MRPS16: variants seen among roughly 807,000 people sequenced by gnomAD.
MRPS16 encodes mitochondrial ribosomal protein S16.
In MRPS16, 5 loss-of-function variants were observed where a neutral mutation model predicts 11.0. That is an observed-to-expected ratio of 0.46 (90% CI 0.24 to 0.96). MRPS16 has a LOEUF of 0.96. Ranked by LOEUF, MRPS16 falls within the 40% of genes least tolerant of loss-of-function variation. The pLI is 0.20. For missense variants in MRPS16, 179 were observed against 174.4 expected, an observed-to-expected ratio of 1.03 and a Z score of -0.15; for synonymous variants, 76 against 65.0, an observed-to-expected ratio of 1.17 and a Z score of -0.81.
Position 73,249,910 on chromosome 10 carries a change from TAA to T in MRPS16, c.*940_*941del, listed in dbSNP as rs1226050768. 6.6e-6 allele frequency: 1 copy of T among 151,270 alleles called. No homozygotes were observed. The highest frequency in any genetic ancestry group is 1.9e-4 in the East Asian group (1 of 5,194). The allele number at this position is 151,270 out of a possible 1,614,324, so 9.4% of individuals were successfully genotyped here. A position where few individuals can be genotyped will look rare whatever the true frequency, so the allele number is the denominator to read the frequency against. On this transcript the variant is annotated 3_prime_UTR_variant, in exon 3 of 3. Transcript: ENST00000372945. Reference sequence around the variant, plus strand: ...CAACACGGTGAAACCCCATCTCTACTAAAAATACAAAAATTTGCCCGGGCGGT... The same window carrying T: ...CAACACGGTGAAACCCCATCTCTACTAAATACAAAAATTTGCCCGGGCGGT...
intron 1 of MRPS16, 96 bp from the exon 2 acceptor site, chr10:73,252,119 C>T: frequency 6.7e-7 from 1 of 1,497,802 alleles, no homozygotes; most frequent in South Asian, 1.2e-5. Context: ...AAATGTCTCA[C>T]TTCCAATCCA....
rs1322867263 is a variant in MRPS16 at position 73,252,535 on chromosome 10, C to G, written c.-53G>C. 6.2e-6 allele frequency: 10 copies of G among 1,600,316 alleles called. No individual in the cohort carries two copies. The East Asian group carries it at 2.2e-4, about 36-fold the overall frequency. ...GAGCCCCGCTACCCGCACGCACCAG[C>G]TCTACGGCCTTGGCAGGGCAGAGAA... On this transcript the variant is annotated 5_prime_UTR_variant, in exon 1 of 3. Coordinates refer to ENST00000372945, the MANE Select transcript of MRPS16 (RefSeq NM_016065.4).
intron 2 of MRPS16, 119 bp from the exon 3 acceptor site, chr10:73,251,110 T>A: frequency 2.5e-6 from 3 of 1,191,570 alleles, no homozygotes; most frequent in Non-Finnish European, 3.7e-6. Context: ...CAAACCATGC[T>A]CCTCACTTGC....
At chr10:73,251,465 T>A (rs1342202695) in intron 2 of MRPS16, among the ~76,000 whole-genome samples, 1 of 152,004 alleles carries the variant, frequency 6.6e-6, no homozygotes, top group African/African-American at 2.4e-5. Flanking sequence ...AACCTCCGCC[T>A]CCTGGGTTCA....
rs1374141218 is a variant in MRPS16 at position 73,249,389 on chromosome 10, C to G, written c.*1463G>C. 2 of 1,421,218 alleles carry G rather than the reference C, an allele frequency of 1.4e-6. No homozygotes were observed. The highest frequency in any genetic ancestry group is 2.9e-5 in the African/African-American group (2 of 69,866). 88.0% of individuals were successfully genotyped at this position (1,421,218 alleles called of 1,614,324 possible). On this transcript the variant is annotated 3_prime_UTR_variant, in exon 3 of 3. Coordinates refer to ENST00000372945, the MANE Select transcript of MRPS16 (RefSeq NM_016065.4). ...CTGAAGTTATTCAAATACATTCAAA[C>G]TATAAAGATCCCTTATAGATTACTG...
intron 2 of MRPS16, among the ~76,000 whole-genome samples, 165 bp downstream of exon 2, chr10:73,251,598 C>T (rs565711224): frequency 6.6e-6 from 1 of 152,132 alleles, no homozygotes; most frequent in East Asian, 1.9e-4. Flanking sequence ...CCACTCTGGT[C>T]TCAAACTCTT....
chr10:73,252,515 C>G lies in MRPS16; in HGVS notation c.-33G>C. 1 of 1,604,700 alleles carries G rather than the reference C, an allele frequency of 6.2e-7. No individual in the cohort carries two copies. Among genetic ancestry groups the G allele is most frequent in the Non-Finnish European group, 8.5e-7 (1 of 1,179,384 alleles). On this transcript the variant is annotated 5_prime_UTR_variant, in exon 1 of 3. Coordinates refer to ENST00000372945, the MANE Select transcript of MRPS16 (RefSeq NM_016065.4). The stretch of plus-strand genomic sequence containing the variant: ...CCGGCGTGCGGCTCCTCGGAGAGCC[C>G]CGCTACCCGCACGCACCAGCTCTAC...
chr10:73,252,329 G>C, intron 1 of MRPS16, 141 bp downstream of exon 1: 1 of 1,304,294 alleles, frequency 7.7e-7, no homozygotes, highest in Non-Finnish European at 1.1e-6. Context: ...AAAAAACTGA[G>C]AGAAGGATCA....
chr10:73,250,986 C>G lies in MRPS16; in HGVS notation c.280G>C (p.Ala94Pro). 2 of 1,614,106 alleles carry G rather than the reference C, an allele frequency of 1.2e-6. No homozygotes were observed. The highest frequency in any genetic ancestry group is 1.7e-6 in the Non-Finnish European group (2 of 1,179,990). Residue 94 changes from alanine to proline, a missense_variant, in exon 3 of 3, where the codon GCT becomes CCT. Coordinates refer to ENST00000372945, the MANE Select transcript of MRPS16 (RefSeq NM_016065.4). Reference protein sequence around the residue: ...SKPMEKLLGLAGFFPLHPMMI... With the variant: ...SKPMEKLLGLPGFFPLHPMMI... Reference sequence around the variant, plus strand: ...ATAGGATGCAGAGGGAAAAAGCCAGCAAGACCTAAAAGTAACAGATTTTTC... The same window carrying G: ...ATAGGATGCAGAGGGAAAAAGCCAGGAAGACCTAAAAGTAACAGATTTTTC...
At position 73,249,492 on chromosome 10, in the gene MRPS16, GTT is replaced by G; in HGVS notation, c.*1358_*1359del. On this transcript the variant is annotated 3_prime_UTR_variant, in exon 3 of 3. Transcript: ENST00000372945. ...AGGTTGTCAACATTATTGGTATACA[GTT>G]TATCCTAACACAGAGCAGCCTTCTT... 1 of 636,018 alleles carries G rather than the reference GTT, an allele frequency of 1.6e-6. No homozygotes were observed. The highest frequency in any genetic ancestry group is 2.0e-5 in the South Asian group (1 of 48,916). 39.4% of individuals were successfully genotyped at this position (636,018 alleles called of 1,614,324 possible).
chr10:73,249,440 CAAG>C lies in MRPS16; in HGVS notation c.*1409_*1411del, dbSNP rs868436163. 12,862 of 1,003,596 alleles carry C rather than the reference CAAG, an allele frequency of 0.013. 724 individuals carry two copies. In the African/African-American group the frequency reaches 0.15, roughly 11 times the overall value. The allele number at this position is 1,003,596 out of a possible 1,614,324, so 62.2% of individuals were successfully genotyped here. A position where few individuals can be genotyped will look rare whatever the true frequency, so the allele number is the denominator to read the frequency against. On this transcript the variant is annotated 3_prime_UTR_variant, in exon 3 of 3. Transcript: ENST00000372945. ...GCATCAAGGTAGGAAGGAAAAGATACAAGAAGTAAAATGCAACACTCATTACAG... is the reference window on the plus strand; with the variant it reads ...GCATCAAGGTAGGAAGGAAAAGATACAAGTAAAATGCAACACTCATTACAG...
At position 73,249,584 on chromosome 10, in the gene MRPS16, G is replaced by A; in HGVS notation, c.*1268C>T. On this transcript the variant is annotated 3_prime_UTR_variant, in exon 3 of 3. Coordinates refer to ENST00000372945, the MANE Select transcript of MRPS16 (RefSeq NM_016065.4). Reference sequence around the variant, plus strand: ...AAGAATAAGGTTCACAGCTGAATTGGCTTGGTGTCCTAATTCCCTATTCCA... The same window carrying A: ...AAGAATAAGGTTCACAGCTGAATTGACTTGGTGTCCTAATTCCCTATTCCA... The A allele has an allele frequency of 2.2e-6, 1 of 445,800 alleles. No homozygotes were observed. The allele number at this position is 445,800 out of a possible 1,614,324, so 27.6% of individuals were successfully genotyped here. A position where few individuals can be genotyped will look rare whatever the true frequency, so the allele number is the denominator to read the frequency against.
At chr10:73,252,246 T>C (rs569465132) in intron 1 of MRPS16, 1 of 1,005,018 alleles carries the variant, frequency 1.0e-6, no homozygotes, top group Non-Finnish European at 1.5e-6. Flanking sequence ...TGCCATTCAC[T>C]AGGCTCTGTG....
Position 73,252,527 on chromosome 10 carries a change from C to T in MRPS16, c.-45G>A, listed in dbSNP as rs1056178124. 17 of 1,602,496 alleles carry T rather than the reference C, an allele frequency of 1.1e-5. No homozygotes were observed. The highest frequency in any genetic ancestry group is 4.4e-5 in the South Asian group (4 of 90,636). ...TCCTCGGAGAGCCCCGCTACCCGCA[C>T]GCACCAGCTCTACGGCCTTGGCAGG... On this transcript the variant is annotated 5_prime_UTR_variant, in exon 1 of 3. In the 5' UTR this introduces an upstream ATG that the reference lacks. Coordinates refer to ENST00000372945, the MANE Select transcript of MRPS16 (RefSeq NM_016065.4).
Position 73,252,568 on chromosome 10 carries a change from A to C in MRPS16, c.-86T>G. 1 of 1,561,854 alleles carries C rather than the reference A, an allele frequency of 6.4e-7. No individual in the cohort carries two copies. The highest frequency in any genetic ancestry group is 8.6e-7 in the Non-Finnish European group (1 of 1,156,250). Reference sequence around the variant, plus strand: ...CCTTGGCAGGGCAGAGAACAAACACAGAAAGAACCTGCAAGCCGACACCAG... The same window carrying C: ...CCTTGGCAGGGCAGAGAACAAACACCGAAAGAACCTGCAAGCCGACACCAG... On this transcript the variant is annotated 5_prime_UTR_variant, in exon 1 of 3. Transcript: ENST00000372945.
chr10:73,249,312 T>C lies in MRPS16; in HGVS notation c.*1540A>G, dbSNP rs1348245064. The C allele has an allele frequency of 3.2e-6, 5 of 1,549,932 alleles. No individual in the cohort carries two copies. The African/African-American group carries it at 5.5e-5, about 17-fold the overall frequency. ...AGGCTTTTAAAACACATGGGAATAC[T>C]TGAGACCTAAGAATGGTTGTGAGTC... On this transcript the variant is annotated 3_prime_UTR_variant, in exon 3 of 3. Transcript: ENST00000372945.
chr10:73,252,318 G>GA lies in MRPS16; in HGVS notation c.13+151dup, dbSNP rs369854691. On this transcript the variant is annotated intron_variant, in intron 1 of 2. Coordinates refer to ENST00000372945, the MANE Select transcript of MRPS16 (RefSeq NM_016065.4). Reference sequence around the variant, plus strand: ...AATTTTTCAGCGGTGATTAAGTGGGGAAAAAACTGAGAGAAGGATCAAATG... The same window carrying GA: ...AATTTTTCAGCGGTGATTAAGTGGGGAAAAAAACTGAGAGAAGGATCAAATG... The GA allele has an allele frequency of 2.0e-5, 25 of 1,267,230 alleles. No individual in the cohort carries two copies. In the African/African-American group the frequency reaches 2.2e-4, roughly 11 times the overall value. The allele number at this position is 1,267,230 out of a possible 1,614,324, so 78.5% of individuals were successfully genotyped here. A position where few individuals can be genotyped will look rare whatever the true frequency, so the allele number is the denominator to read the frequency against.
In MRPS16 at chr10:73,249,633, A is replaced by T; in HGVS notation, c.*1219T>A. 3.1e-6 allele frequency: 1 copy of T among 323,902 alleles called. No homozygotes were observed. The highest frequency in any genetic ancestry group is 5.8e-6 in the Non-Finnish European group (1 of 171,760). The allele number at this position is 323,902 out of a possible 1,614,324, so 20.1% of individuals were successfully genotyped here. ...CAGTATTCTCAGAAGGATCCCATCTATGATATATGCAGAAATCACAGCCAC... is the reference window on the plus strand; with the variant it reads ...CAGTATTCTCAGAAGGATCCCATCTTTGATATATGCAGAAATCACAGCCAC... On this transcript the variant is annotated 3_prime_UTR_variant, in exon 3 of 3. Transcript: ENST00000372945.
Position 73,249,367 on chromosome 10 carries a change from A to C in MRPS16, c.*1485T>G. ...AAAAAAGTAGAACTAAAGTATACTG[A>C]AGTTATTCAAATACATTCAAACTAT... On this transcript the variant is annotated 3_prime_UTR_variant, in exon 3 of 3. Transcript: ENST00000372945. The C allele has an allele frequency of 6.7e-7, 1 of 1,503,506 alleles. No homozygotes were observed. Among genetic ancestry groups the C allele is most frequent in the Non-Finnish European group, 9.0e-7 (1 of 1,107,822 alleles). 93.1% of individuals were successfully genotyped at this position (1,503,506 alleles called of 1,614,324 possible).
Sources: gnomAD v4.1 joint callset for allele counts (sites outside exome capture counted in the v4.1 genomes callset) on GRCh38, gnomAD v4.1.1 for gene constraint, MANE v1.5 for transcripts, NCBI Gene and HGNC (gene_info 2026-07-23, HGNC 2026-07-21) for gene names.